PTPRS: variants seen among roughly 807,000 people sequenced by gnomAD.
PTPRS encodes the protein receptor-type tyrosine-protein phosphatase S.
A neutral mutation model predicts 215.3 loss-of-function variants in PTPRS; 63 were observed. The ratio of observed to expected loss-of-function variants is 0.29; its 90% CI spans 0.24 to 0.36. PTPRS has a LOEUF of 0.36. Ranked by LOEUF, PTPRS falls within the 10% of genes least tolerant of loss-of-function variation. The probability of loss-of-function intolerance (pLI) is 1.00; values close to 1 mark genes in which losing one functional copy is unlikely to be tolerated. For missense variants in PTPRS, 2,258 were observed against 2,825.8 expected, an observed-to-expected ratio of 0.80 and a Z score of 4.56; for synonymous variants, 1,404 against 1,191.4, an observed-to-expected ratio of 1.18 and a Z score of -3.68.
In PTPRS at chr19:5,225,856, G is replaced by C. The variant is rs1349573669; in HGVS notation, c.2377-12C>G. 3 of 1,609,538 alleles carry C rather than the reference G, an allele frequency of 1.9e-6. No individual in the cohort carries two copies. Among genetic ancestry groups the C allele is most frequent in the African/African-American group, 1.3e-5 (1 of 74,910 alleles). On this transcript the variant is annotated splice_polypyrimidine_tract_variant and intron_variant, in intron 16 of 37. Coordinates refer to ENST00000262963, the MANE Select transcript of PTPRS (RefSeq NM_002850.4). ...GTGATGACCATCTCCTGCAGGCACG[G>C]CTGGGGGTCAGCACGACGGCTGGGG...
intron 18 of PTPRS, among the ~76,000 whole-genome samples, chr19:5,222,458 G>A (rs1344618296): frequency 3.0e-5 from 4 of 133,002 alleles, no homozygotes; most frequent in East Asian, 5.2e-4. Flanking sequence ...GGAGGAGGAG[G>A]AAGAGGGGGG....
At position 5,337,536 on chromosome 19, in the gene PTPRS, C is replaced by T. The variant is rs1395261844; in HGVS notation, c.-95+3128G>A. On this transcript the variant is annotated intron_variant, in intron 1 of 37. Coordinates refer to ENST00000262963, the MANE Select transcript of PTPRS (RefSeq NM_002850.4). ...TGCGCTGCCCTCAGACATCTGTGAA[C>T]CGCTGTTCAACGCCAACCCCGAAGG... Among the ~76,000 whole-genome samples, 5 of 152,322 alleles carry T rather than the reference C, an allele frequency of 3.3e-5. No individual in the cohort carries two copies. In the East Asian group the frequency reaches 5.8e-4, roughly 18 times the overall value.
intron 4 of PTPRS, among the ~76,000 whole-genome samples, chr19:5,272,595 C>CAAAAAAAAAAAAAAAAAAAAAAAAAAA (rs10527451): frequency 1.2e-4 from 9 of 73,442 alleles, no homozygotes; most frequent in South Asian, 6.3e-4. Context: ...AAGACTGTCT[C>CAAAAAAAAAAAAAAAAAAAAAAAAAAA]AAAAAAAAAA....
intron 32 of PTPRS, 40 bp from the exon 33 acceptor site, chr19:5,211,808 G>A: frequency 6.2e-7 from 1 of 1,603,052 alleles, no homozygotes. Flanking sequence ...ATCAGGATGA[G>A]GAAGGCTATG....
intron 4 of PTPRS, among the ~76,000 whole-genome samples, chr19:5,267,906 AC>A (rs1438044604): frequency 1.3e-5 from 2 of 152,110 alleles, no homozygotes; most frequent in Admixed American, 6.6e-5. Context: ...ACAGTGGGTC[AC>A]GCCTATAATC....
intron 20 of PTPRS, 73 bp downstream of exon 20, chr19:5,220,927 C>A: frequency 1.3e-6 from 2 of 1,507,148 alleles, no homozygotes; most frequent in East Asian, 4.5e-5. Flanking sequence ...ACAGAGAGGG[C>A]ACGTGGCTTG....
chr19:5,274,027 G>A (rs1334329878), intron 3 of PTPRS, among the ~76,000 whole-genome samples, 172 bp downstream of exon 3: 1 of 152,228 alleles, frequency 6.6e-6, no homozygotes, highest in African/African-American at 2.4e-5. Flanking sequence ...GGAGCTGGTA[G>A]AGCAAGTAAG....
At position 5,220,016 on chromosome 19, in the gene PTPRS, C is replaced by A; in HGVS notation, c.3688G>T (p.Gly1230Cys). 1.2e-6 allele frequency: 2 copies of A among 1,614,044 alleles called. No homozygotes were observed. Among genetic ancestry groups the A allele is most frequent in the Non-Finnish European group, 1.7e-6 (2 of 1,180,040 alleles). ...GGCTCCAGGCCCCGGTTATCGAAGC[C>A]GCCATACTGCTTCTGGTCGCCGGGA... Reference protein sequence around the residue: ...FHPGDQKQYGGFDNRGLEPGH... With the variant: ...FHPGDQKQYGCFDNRGLEPGH... Residue 1230 changes from glycine to cysteine, a missense_variant, in exon 22 of 38, where the codon GGC (glycine) becomes TGC (cysteine). Around this residue, in one of 6 missense-constraint regions of PTPRS, gnomAD observed 927 missense variants for 1,125.9 expected, o/e 0.82. Coordinates refer to ENST00000262963, the MANE Select transcript of PTPRS (RefSeq NM_002850.4).
At chr19:5,279,358 T>TTATTTC (rs142289814) in intron 2 of PTPRS, among the ~76,000 whole-genome samples, 30 of 151,914 alleles carry the variant, frequency 2.0e-4, no homozygotes, top group African/African-American at 7.2e-4. Flanking sequence ...ATTTTTATTT[T>TTATTTC]ATTTTTTCTT....
rs60305048 is a variant in PTPRS at position 5,326,416 on chromosome 19, C to A, written c.-95+14248G>T. ...ATTTAATGCCCTTGTTTTGCTCTCACCACATTTATTTTTAAGGTTGTACCT... is the reference window on the plus strand; with the variant it reads ...ATTTAATGCCCTTGTTTTGCTCTCAACACATTTATTTTTAAGGTTGTACCT... On this transcript the variant is annotated intron_variant, in intron 1 of 37. Transcript: ENST00000262963. Among the ~76,000 whole-genome samples the A allele has an allele frequency of 8.0e-3, 1,220 of 152,292 alleles. 10 individuals carry two copies. Among genetic ancestry groups the A allele is most frequent in the African/African-American group, 0.027 (1,131 of 41,562 alleles).
intron 2 of PTPRS, among the ~76,000 whole-genome samples, chr19:5,283,051 C>T (rs1011919992): frequency 2.6e-5 from 4 of 152,202 alleles, no homozygotes; most frequent in South Asian, 4.1e-4. Context: ...GGAGGCAACG[C>T]GCCTGAGCCT....
chr19:5,289,441 C>T (rs1568575484), intron 1 of PTPRS, among the ~76,000 whole-genome samples: 1 of 152,212 alleles, frequency 6.6e-6, no homozygotes, highest in Non-Finnish European at 1.5e-5. Flanking sequence ...AAAGCATCTG[C>T]AAGCACCCGA....
chr19:5,286,336 C>T (rs111852675), intron 1 of PTPRS, 102 bp from the exon 2 acceptor site: 26 of 616,282 alleles, frequency 4.2e-5, no homozygotes, highest in African/African-American at 2.0e-4. Flanking sequence ...GAGGGTCCTG[C>T]GGGGGCTGGT....
Position 5,239,096 on chromosome 19 carries a change from T to TGG in PTPRS, c.1705-35_1705-34dup, listed in dbSNP as rs747445028. ...CAGGGCAGAGAAGGACAGAGAGGGA[T>TGG]GGGGGAGAGAGAGAGAGAGACAGAA... On this transcript the variant is annotated intron_variant, in intron 12 of 37. Transcript: ENST00000262963. 2.4e-5 allele frequency: 34 copies of TGG among 1,414,818 alleles called. No homozygotes were observed. The Admixed American group carries it at 4.3e-4, about 18-fold the overall frequency. The allele number at this position is 1,414,818 out of a possible 1,614,324, so 87.6% of individuals were successfully genotyped here.
chr19:5,316,771 C>A (rs1176510622), intron 1 of PTPRS, among the ~76,000 whole-genome samples: 1 of 152,128 alleles, frequency 6.6e-6, no homozygotes, highest in African/African-American at 2.4e-5. Flanking sequence ...TCAGGTGATC[C>A]ACCTGCCTCA....
chr19:5,285,983 C>A, intron 2 of PTPRS, 67 bp downstream of exon 2: 1 of 1,484,822 alleles, frequency 6.7e-7, no homozygotes, highest in Admixed American at 1.8e-5. Flanking sequence ...CCCACACACA[C>A]ACAGCCATAA....
rs1384602128 is a variant in PTPRS, at chr19:5,220,275, G to C, written c.3534C>G (p.Asp1178Glu). The C allele has an allele frequency of 1.2e-6, 2 of 1,613,978 alleles. No individual in the cohort carries two copies. Among genetic ancestry groups the C allele is most frequent in the South Asian group, 2.2e-5 (2 of 91,062 alleles). ...AGGCCCTCACCTCTTCCAGATCCAT[G>C]TCCTCTGGGCTACCCAGCGGGGTCA... ...QFLTPLGSPE[D>E]MDLEELIQDI... Residue 1178 changes from aspartate to glutamate, a missense_variant, in exon 21 of 38, where the codon GAC becomes GAG. Asp to Glu is a conservative substitution (Grantham distance 45). Coordinates refer to ENST00000262963, the MANE Select transcript of PTPRS (RefSeq NM_002850.4).
At position 5,259,162 on chromosome 19, in the gene PTPRS, C is replaced by T. The variant is rs896954320; in HGVS notation, c.596-1035G>A. 5.3e-5 allele frequency among the ~76,000 whole-genome samples: 8 copies of T among 152,110 alleles called. 1 individual carries two copies. The highest frequency in any genetic ancestry group is 1.9e-4 in the African/African-American group (8 of 41,410). ...TGTTGGTCATGAGTAAATAAAGATA[C>T]AAAGAAGAGGGCAATTTTTCAAGCA... On this transcript the variant is annotated intron_variant, in intron 7 of 37. Coordinates refer to ENST00000262963, the MANE Select transcript of PTPRS (RefSeq NM_002850.4).
At chr19:5,220,872 C>A in intron 20 of PTPRS, 128 bp downstream of exon 20, 1 of 1,130,398 alleles carries the variant, frequency 8.8e-7, no homozygotes, top group South Asian at 1.5e-5. Context: ...ACCCCATGAA[C>A]TAGGGCTGAT....
Sources: allele counts gnomAD v4.1 joint callset (sites outside exome capture counted in the v4.1 genomes callset), GRCh38; gene constraint gnomAD v4.1.1; regional missense constraint gnomAD v4.1.1; transcripts MANE v1.5; gene names NCBI Gene and HGNC (gene_info 2026-07-23, HGNC 2026-07-21).